The following GPM6B variants were observed in gnomAD, a reference collection of about 807,000 sequenced individuals.
GPM6B encodes neuronal membrane glycoprotein M6-b.
Under a neutral mutation model 27.2 loss-of-function variants are expected in GPM6B, and 4 were observed. That is an observed-to-expected ratio of 0.15 (90% confidence interval 0.07 to 0.34). The LOEUF is 0.34. GPM6B is among the 10% of genes least tolerant of loss of function. GPM6B has a pLI of 1.00. For synonymous variants in GPM6B, 124 were observed against 103.1 expected (o/e 1.20, Z -1.23); for missense variants, 183 against 261.9 (o/e 0.70, Z 2.08).
chrX:13,923,701 C>A (rs992000991), intron 1 of GPM6B, among the ~76,000 whole-genome samples: 2 of 112,165 alleles, frequency 1.8e-5, no homozygotes, highest in Non-Finnish European at 3.8e-5. Context: ...CCAATTAAAT[C>A]TTTCCTGGGT....
intron 1 of GPM6B, among the ~76,000 whole-genome samples, chrX:13,830,130 A>G (rs746008905): frequency 2.1e-4 from 24 of 112,031 alleles, no homozygotes; most frequent in African/African-American, 6.8e-4. Flanking sequence ...TCATTTGCAT[A>G]CCACATTCAT....
intron 1 of GPM6B, among the ~76,000 whole-genome samples, chrX:13,922,931 T>C (rs1300223336): frequency 1.8e-5 from 2 of 111,898 alleles, no homozygotes; most frequent in Non-Finnish European, 3.8e-5. Flanking sequence ...ATCCCAGCAC[T>C]TTGGGAGGTC....
intron 1 of GPM6B, among the ~76,000 whole-genome samples, chrX:13,931,976 T>C (rs113039296): frequency 0.019 from 2,170 of 112,280 alleles, 50 homozygotes; most frequent in African/African-American, 0.067. Flanking sequence ...TTATCAGAAC[T>C]TCTAAACTTT....
At chrX:13,861,027 CACACACACACACACACAT>C (rs1218341054) in intron 1 of GPM6B, among the ~76,000 whole-genome samples, 102 of 86,360 alleles carry the variant, frequency 1.2e-3, no homozygotes, top group African/African-American at 5.8e-3. Flanking sequence ...CACACACACA[CACACACACACACACACAT>C]ATATACATAT....
intron 1 of GPM6B, among the ~76,000 whole-genome samples, chrX:13,810,603 G>A (rs934716455): frequency 1.8e-5 from 2 of 110,924 alleles, no homozygotes; most frequent in African/African-American, 6.6e-5. Context: ...CTCCTCATAT[G>A]GATGGGGTAA....
intron 1 of GPM6B, among the ~76,000 whole-genome samples, chrX:13,809,775 A>C (rs1354308571): frequency 9.0e-6 from 1 of 110,508 alleles, no homozygotes; most frequent in Non-Finnish European, 1.9e-5. Flanking sequence ...TGTCTCTACT[A>C]AAAATACAAA....
At chrX:13,776,595 T>G (rs1206072005) in intron 6 of GPM6B, among the ~76,000 whole-genome samples, 1 of 112,131 alleles carries the variant, frequency 8.9e-6, no homozygotes, top group Non-Finnish European at 1.9e-5. Context: ...GCAGCCACGG[T>G]GGGGAGCCCT....
chrX:13,905,957 G>A (rs2050327157), intron 1 of GPM6B, among the ~76,000 whole-genome samples: 1 of 111,387 alleles, frequency 9.0e-6, no homozygotes, highest in Non-Finnish European at 1.9e-5. Context: ...AAGAGGCAAG[G>A]GCTGTGTTAA....
chrX:13,782,560 T>C (rs1002141816), intron 4 of GPM6B, among the ~76,000 whole-genome samples: 3 of 109,381 alleles, frequency 2.7e-5, no homozygotes, highest in African/African-American at 1.0e-4. Flanking sequence ...TCCCACTATT[T>C]GTGGCTATTT....
Position 13,919,757 on chromosome X carries a change from C to T in GPM6B, c.-198+18570G>A, listed in dbSNP as rs1468550447. On this transcript the variant is annotated intron_variant, in intron 1 of 6. Transcript: ENST00000398361. ...ATGTCATCCTTAACAATTACCCAAACAGGAATACCATACGCCTGCAGAAAA... is the reference window on the plus strand; with the variant it reads ...ATGTCATCCTTAACAATTACCCAAATAGGAATACCATACGCCTGCAGAAAA... Among the ~76,000 whole-genome samples, 2 of 111,401 alleles carry T rather than the reference C, an allele frequency of 1.8e-5. 1 individual carries two copies. The highest frequency in any genetic ancestry group is 5.6e-4 in the East Asian group (2 of 3,584).
At chrX:13,916,663 A>ATG (rs55844856) in intron 1 of GPM6B, among the ~76,000 whole-genome samples, 6,458 of 90,086 alleles carry the variant, frequency 0.072, 216 homozygotes, top group African/African-American at 0.085. Context: ...TAGTTTATTA[A>ATG]TGTGTGTGTG....
intron 2 of GPM6B, among the ~76,000 whole-genome samples, chrX:13,801,027 A>G (rs1467060070): frequency 9.3e-6 from 1 of 107,414 alleles, no homozygotes; most frequent in African/African-American, 3.4e-5. Context: ...AGGGCATTGG[A>G]ACCTCATACT....
intron 1 of GPM6B, among the ~76,000 whole-genome samples, chrX:13,842,729 A>C (rs1460920576): frequency 9.1e-6 from 1 of 110,488 alleles, no homozygotes; most frequent in Non-Finnish European, 1.9e-5. Flanking sequence ...AAAATTTTTT[A>C]AAAGAAAAAA....
chrX:13,925,678 G>A (rs953851062), intron 1 of GPM6B, among the ~76,000 whole-genome samples: 4 of 110,403 alleles, frequency 3.6e-5, no homozygotes, highest in African/African-American at 1.3e-4. Flanking sequence ...ACATCTTGGG[G>A]TACAAAGGAA....
chrX:13,778,827 TAAAG>T (rs2048463573), intron 5 of GPM6B, among the ~76,000 whole-genome samples: 1 of 112,285 alleles, frequency 8.9e-6, no homozygotes, highest in Admixed American at 9.4e-5. Context: ...AGCTCTATCA[TAAAG>T]AACAGTGTTG....
intron 1 of GPM6B, among the ~76,000 whole-genome samples, chrX:13,845,690 ATATT>A (rs2049637622): frequency 9.0e-6 from 1 of 111,479 alleles, no homozygotes; most frequent in Non-Finnish European, 1.9e-5. Context: ...AACTAGTTAT[ATATT>A]TATAAATCAA....
At chrX:13,841,865 C>G (rs909320003) in intron 1 of GPM6B, among the ~76,000 whole-genome samples, 1 of 111,464 alleles carries the variant, frequency 9.0e-6, no homozygotes, top group East Asian at 2.8e-4. Context: ...CTTGGCTACC[C>G]CATGTACCTT....
chrX:13,933,781 C>T (rs1198112335), intron 1 of GPM6B, among the ~76,000 whole-genome samples: 2 of 110,959 alleles, frequency 1.8e-5, no homozygotes, highest in African/African-American at 6.6e-5. Context: ...AGATTGGTTC[C>T]CAATGCCTTT....
chrX:13,792,635 C>T (rs1449094930), intron 2 of GPM6B, among the ~76,000 whole-genome samples: 1 of 112,038 alleles, frequency 8.9e-6, no homozygotes, highest in Non-Finnish European at 1.9e-5. Flanking sequence ...GGCGGGGTGG[C>T]TCACGCCTGT....
Sources: allele counts gnomAD v4.1 joint callset (sites outside exome capture counted in the v4.1 genomes callset), GRCh38; gene constraint gnomAD v4.1.1; transcripts MANE v1.5; gene names NCBI Gene and HGNC (gene_info 2026-07-23, HGNC 2026-07-21).